FBXL3: variants seen among roughly 807,000 people sequenced by gnomAD.
FBXL3 encodes the protein F-box and leucine rich repeat protein 3.
FBXL3 carries 14 observed loss-of-function variants against 37.9 expected under a neutral mutation model. The observed-to-expected ratio is 0.37, with a 90% confidence interval of 0.24 to 0.58. FBXL3 has a LOEUF of 0.58. FBXL3 is among the 20% of genes least tolerant of loss of function. The pLI is 0.74. For synonymous variants in FBXL3, 194 were observed against 180.1 expected, an observed-to-expected ratio of 1.08 and a Z score of -0.62; for missense variants, 327 against 511.1, an observed-to-expected ratio of 0.64 and a Z score of 3.47.
intron 2 of FBXL3, among the ~76,000 whole-genome samples, chr13:77,020,220 T>C (rs1473596544): frequency 6.6e-6 from 1 of 152,208 alleles, no homozygotes; most frequent in Non-Finnish European, 1.5e-5. Flanking sequence ...TTTTTTAGCA[T>C]TAAAGATGTC....
At chr13:77,020,725 C>A (rs116787137) in intron 2 of FBXL3, among the ~76,000 whole-genome samples, 1,574 of 151,938 alleles carry the variant, frequency 0.01, 32 homozygotes, top group African/African-American at 0.037. Flanking sequence ...ACACAAACCA[C>A]TGTGATTTTT....
chr13:77,021,950 G>C, intron 1 of FBXL3, 89 bp from the exon 2 acceptor site: 1 of 1,021,780 alleles, frequency 9.8e-7, no homozygotes, highest in Non-Finnish European at 1.4e-6. Flanking sequence ...TGAGATGTGT[G>C]TTTATATACA....
chr13:77,020,386 A>G (rs1256283212), intron 2 of FBXL3, among the ~76,000 whole-genome samples: 1 of 152,194 alleles, frequency 6.6e-6, no homozygotes, highest in Non-Finnish European at 1.5e-5. Flanking sequence ...AGGCAAAAAC[A>G]TATCCAACCA....
chr13:77,021,162 T>C lies in FBXL3; in HGVS notation c.348+351A>G, dbSNP rs191823923. Among the ~76,000 whole-genome samples, 129 of 152,360 alleles carry C rather than the reference T, an allele frequency of 8.5e-4. 1 individual carries two copies. The highest frequency in any genetic ancestry group is 3.4e-3 in the Middle Eastern group (1 of 294). On this transcript the variant is annotated intron_variant, in intron 2 of 4. Coordinates refer to ENST00000355619, the MANE Select transcript of FBXL3 (RefSeq NM_012158.4). ...ACACTAAGTTCCTGTTAGATAGAAA[T>C]AGCAATTAAGCTCTACTCAATTATA...
In FBXL3 at chr13:77,006,899, T is replaced by C; in HGVS notation, c.*246A>G. ...AAACTGTTTAATACGTATAACTGGT[T>C]ATTTCACATCCGAACCACATTAAAA... On this transcript the variant is annotated 3_prime_UTR_variant, in exon 5 of 5. Transcript: ENST00000355619. The C allele has an allele frequency of 3.0e-6, 4 of 1,323,426 alleles. No homozygotes were observed. Among genetic ancestry groups the C allele is most frequent in the African/African-American group, 1.5e-5 (1 of 68,078 alleles). 82.0% of individuals were successfully genotyped at this position (1,323,426 alleles called of 1,614,324 possible). A position where few individuals can be genotyped will look rare whatever the true frequency, so the allele number is the denominator to read the frequency against.
intron 4 of FBXL3, among the ~76,000 whole-genome samples, chr13:77,008,126 T>C (rs541217471): frequency 6.6e-6 from 1 of 152,324 alleles, no homozygotes; most frequent in South Asian, 2.1e-4. Context: ...TTACTAACAC[T>C]AAACTTATAG....
At chr13:77,016,917 A>C (rs2034653779) in intron 3 of FBXL3, 1 of 152,194 alleles carries the variant, frequency 6.6e-6, no homozygotes, top group Non-Finnish European at 1.5e-5. Context: ...TTGATAAACT[A>C]TTTAACTACT....
At chr13:77,013,968 A>T (rs1439896167) in intron 4 of FBXL3, 1 of 152,224 alleles carries the variant, frequency 6.6e-6, no homozygotes, top group Non-Finnish European at 1.5e-5. Context: ...TTTATAGAGA[A>T]ATCAGAGACA....
At chr13:77,026,033 A>AT (rs2034832620) in intron 1 of FBXL3, 1 of 388,116 alleles carries the variant, frequency 2.6e-6, no homozygotes, top group African/African-American at 2.2e-5. Flanking sequence ...AGTTGATGGT[A>AT]TTTTTATAAA....
chr13:77,026,437 G>C (rs1373987503), intron 1 of FBXL3: 7 of 921,168 alleles, frequency 7.6e-6, no homozygotes, highest in Non-Finnish European at 9.1e-6. Flanking sequence ...CTACCAGCAC[G>C]GGCGTAGCCG....
intron 1 of FBXL3, among the ~76,000 whole-genome samples, chr13:77,025,967 G>A (rs1025198422): frequency 2.9e-5 from 4 of 136,346 alleles, no homozygotes; most frequent in African/African-American, 1.0e-4. Context: ...AATGCTTAGA[G>A]AGCGCACAGT....
intron 1 of FBXL3, among the ~76,000 whole-genome samples, chr13:77,022,307 G>A (rs948643539): frequency 2.6e-5 from 4 of 152,126 alleles, no homozygotes; most frequent in African/African-American, 4.8e-5. Flanking sequence ...CTCCAGAGAG[G>A]ATGTTCCACA....
chr13:77,008,231 T>C (rs924495386), intron 4 of FBXL3, among the ~76,000 whole-genome samples: 1 of 152,186 alleles, frequency 6.6e-6, no homozygotes, highest in Non-Finnish European at 1.5e-5. Context: ...GATAGAACCA[T>C]ATAAAACTAT....
intron 2 of FBXL3, among the ~76,000 whole-genome samples, chr13:77,019,696 A>G (rs1483022118): frequency 6.6e-6 from 1 of 152,158 alleles, no homozygotes; most frequent in East Asian, 1.9e-4. Context: ...TGATGCACAT[A>G]AAGTTAGAGA....
intron 2 of FBXL3, 29 bp from the exon 3 acceptor site, chr13:77,018,751 A>T: frequency 6.7e-7 from 1 of 1,499,188 alleles, no homozygotes; most frequent in East Asian, 2.4e-5. Context: ...TTTACTCATG[A>T]ATATTTTATT....
At chr13:77,023,676 G>A (rs1265244732) in intron 1 of FBXL3, among the ~76,000 whole-genome samples, 1 of 152,176 alleles carries the variant, frequency 6.6e-6, no homozygotes, top group African/African-American at 2.4e-5. Context: ...GCAGGGTAGT[G>A]GTTTCGACCT....
At chr13:77,025,337 A>G (rs1229433492) in intron 1 of FBXL3, among the ~76,000 whole-genome samples, 1 of 152,220 alleles carries the variant, frequency 6.6e-6, no homozygotes, top group Admixed American at 6.5e-5. Context: ...TGAGGGACTG[A>G]TATGACTACA....
Position 77,021,848 on chromosome 13 carries a change from C to T in FBXL3, c.13G>A (p.Gly5Arg). ...GATGAATTACGGTCACTATCTCTTCCTCCTCGTTTCATCCTATTCCGAAAA... is the reference window on the plus strand; with the variant it reads ...GATGAATTACGGTCACTATCTCTTCTTCCTCGTTTCATCCTATTCCGAAAA... MKRG[G>R]RDSDRNSSEE... Residue 5 changes from glycine to arginine, a missense_variant, in exon 2 of 5, where the codon GGA (glycine) becomes AGA (arginine). Gly to Arg is a moderately radical substitution (Grantham distance 125, BLOSUM62 -2). Coordinates refer to ENST00000355619, the MANE Select transcript of FBXL3 (RefSeq NM_012158.4). The T allele has an allele frequency of 6.2e-7, 1 of 1,605,624 alleles. No individual in the cohort carries two copies. The highest frequency in any genetic ancestry group is 8.5e-7 in the Non-Finnish European group (1 of 1,175,736).
chr13:77,022,201 T>C (rs1045558497), intron 1 of FBXL3, among the ~76,000 whole-genome samples: 21 of 152,180 alleles, frequency 1.4e-4, no homozygotes, highest in African/African-American at 5.1e-4. Context: ...AAAATGAATA[T>C]AAAAGGGAAC....
Sources: gnomAD v4.1 joint callset for allele counts (sites outside exome capture counted in the v4.1 genomes callset) on GRCh38, gnomAD v4.1.1 for gene constraint, MANE v1.5 for transcripts, NCBI Gene and HGNC (gene_info 2026-07-23, HGNC 2026-07-21) for gene names.